The following CTCF variants were observed in gnomAD, a reference collection of about 807,000 sequenced individuals.
The protein encoded by CTCF is transcriptional repressor CTCF.
A neutral mutation model predicts 72.3 loss-of-function variants in CTCF; 7 were observed. The ratio of observed to expected loss-of-function variants is 0.10; its 90% CI spans 0.06 to 0.18. CTCF has a LOEUF of 0.18. Among genes scored for constraint, CTCF ranks in the 10% least tolerant of loss-of-function variants. The probability of loss-of-function intolerance (pLI) is 1.00; values close to 1 mark genes in which losing one functional copy is unlikely to be tolerated. For synonymous variants in CTCF, 374 were observed against 315.8 expected, an observed-to-expected ratio of 1.18 and a Z score of -1.95; for missense variants, 516 against 949.1, an observed-to-expected ratio of 0.54 and a Z score of 6.00.
chr16:67,589,447 A>G (rs1185751118), intron 2 of CTCF, among the ~76,000 whole-genome samples: 3 of 152,158 alleles, frequency 2.0e-5, no homozygotes, highest in Non-Finnish European at 4.4e-5. Flanking sequence ...GTAGTTTGTC[A>G]GGCAAGGTCC....
At chr16:67,588,790 G>A (rs919687284) in intron 2 of CTCF, among the ~76,000 whole-genome samples, 4 of 152,088 alleles carry the variant, frequency 2.6e-5, no homozygotes, top group African/African-American at 9.7e-5. Context: ...GGGTTCAAGC[G>A]ATTCTCATGC....
At chr16:67,565,320 T>C (rs1441631957) in intron 1 of CTCF, among the ~76,000 whole-genome samples, 1 of 151,826 alleles carries the variant, frequency 6.6e-6, no homozygotes, top group Non-Finnish European at 1.5e-5. Context: ...TTATTTAAAT[T>C]AGTGATAGGA....
chr16:67,587,283 C>T (rs1210260561), intron 2 of CTCF, among the ~76,000 whole-genome samples: 1 of 151,598 alleles, frequency 6.6e-6, no homozygotes, highest in African/African-American at 2.4e-5. Context: ...TGATTGTTGT[C>T]GAAGACATTA....
intron 10 of CTCF, among the ~76,000 whole-genome samples, chr16:67,632,381 T>C (rs951939964): frequency 6.6e-6 from 1 of 152,214 alleles, no homozygotes; most frequent in Non-Finnish European, 1.5e-5. Flanking sequence ...TCTACAGTTC[T>C]GTGTTCTGTC....
chr16:67,563,091 C>T (rs2051299215), intron 1 of CTCF, among the ~76,000 whole-genome samples: 2 of 152,010 alleles, frequency 1.3e-5, no homozygotes, highest in Non-Finnish European at 1.5e-5. Context: ...CGCCCTCTGT[C>T]CTGTGTCCTC....
intron 2 of CTCF, 86 bp from the exon 3 acceptor site, chr16:67,610,738 C>A: frequency 2.0e-6 from 2 of 991,498 alleles, no homozygotes; most frequent in Non-Finnish European, 2.8e-6. Flanking sequence ...AATTCATTCA[C>A]CAAAGGGTCT....
At chr16:67,595,333 C>T (rs567355936) in intron 2 of CTCF, among the ~76,000 whole-genome samples, 5 of 151,704 alleles carry the variant, frequency 3.3e-5, no homozygotes, top group African/African-American at 1.2e-4. Context: ...TGTTCTGTTT[C>T]TTTTTTACTC....
chr16:67,623,718 C>A (rs894462001), intron 7 of CTCF, among the ~76,000 whole-genome samples: 1 of 151,782 alleles, frequency 6.6e-6, no homozygotes, highest in African/African-American at 2.4e-5. Flanking sequence ...AGTTCTAGAC[C>A]AACCTGTGTG....
chr16:67,637,942 CCCTT>C lies in CTCF; in HGVS notation c.*72_*75del, dbSNP rs2052453749. ...AAACGGCCCGCATCTTAATTTTTCT[CCCTT>C]CTTTCTTTTTTTGGCTTTGGGAAAA... On this transcript the variant is annotated 3_prime_UTR_variant, in exon 12 of 12. Transcript: ENST00000264010. 2 of 1,329,124 alleles carry C rather than the reference CCCTT, an allele frequency of 1.5e-6. No homozygotes were observed. Among genetic ancestry groups the C allele is most frequent in the African/African-American group, 1.5e-5 (1 of 68,292 alleles). 82.3% of individuals were successfully genotyped at this position (1,329,124 alleles called of 1,614,324 possible).
intron 2 of CTCF, among the ~76,000 whole-genome samples, chr16:67,606,985 C>G (rs1329516320): frequency 6.6e-6 from 1 of 152,002 alleles, no homozygotes; most frequent in Non-Finnish European, 1.5e-5. Flanking sequence ...CAGAGGCTCG[C>G]TCTGTTGCCC....
intron 10 of CTCF, among the ~76,000 whole-genome samples, chr16:67,633,755 G>A (rs8052137): frequency 1.3e-5 from 2 of 149,802 alleles, no homozygotes; most frequent in Non-Finnish European, 3.0e-5. Flanking sequence ...CAAAAAAAAA[G>A]AAAAAGAATT....
In CTCF at chr16:67,578,532, C is replaced by T. The variant is rs565905138; in HGVS notation, c.-10+7268C>T. 4.0e-5 allele frequency among the ~76,000 whole-genome samples: 6 copies of T among 151,628 alleles called. No homozygotes were observed. In the South Asian group the frequency reaches 6.2e-4, roughly 16 times the overall value. ...AGTTTTAGTAGAGATGGGATTTCAC[C>T]GTGTTGGCCAGGCTGGTCTCGAACT... On this transcript the variant is annotated intron_variant, in intron 2 of 11. Coordinates refer to ENST00000264010, the MANE Select transcript of CTCF (RefSeq NM_006565.4).
At chr16:67,585,466 T>G (rs2051657297) in intron 2 of CTCF, among the ~76,000 whole-genome samples, 1 of 152,378 alleles carries the variant, frequency 6.6e-6, no homozygotes, top group African/African-American at 2.4e-5. Flanking sequence ...AAGATAATAT[T>G]AAAGTTCAGT....
At chr16:67,589,902 CATGGTG>C (rs1398895309) in intron 2 of CTCF, among the ~76,000 whole-genome samples, 1 of 152,082 alleles carries the variant, frequency 6.6e-6, no homozygotes, top group Non-Finnish European at 1.5e-5. Context: ...GCTTGGCCAA[CATGGTG>C]AAACCCTATC....
intron 1 of CTCF, among the ~76,000 whole-genome samples, chr16:67,564,350 T>C (rs2142696532): frequency 6.6e-6 from 1 of 152,370 alleles, no homozygotes; most frequent in East Asian, 1.9e-4. Context: ...AAGGAAGCTA[T>C]GTTAAGTTTA....
intron 9 of CTCF, among the ~76,000 whole-genome samples, chr16:67,628,828 A>G (rs2052324716): frequency 6.6e-6 from 1 of 152,208 alleles, no homozygotes; most frequent in Non-Finnish European, 1.5e-5. Context: ...TGGGAGGCCA[A>G]GGTGGGTGGA....
At chr16:67,605,104 C>T (rs1272954296) in intron 2 of CTCF, among the ~76,000 whole-genome samples, 2 of 150,646 alleles carry the variant, frequency 1.3e-5, no homozygotes, top group African/African-American at 4.9e-5. Context: ...TCCCGAGTAG[C>T]TGGGACTACA....
intron 2 of CTCF, among the ~76,000 whole-genome samples, chr16:67,608,773 G>T (rs1395549940): frequency 2.0e-5 from 3 of 149,068 alleles, no homozygotes; most frequent in Non-Finnish European, 4.4e-5. Flanking sequence ...TTTCGTTCTT[G>T]TTGCCCAGGC....
chr16:67,609,936 A>G (rs983792831), intron 2 of CTCF, among the ~76,000 whole-genome samples: 10 of 152,014 alleles, frequency 6.6e-5, no homozygotes, highest in African/African-American at 2.4e-4. Context: ...TGGCCTGATA[A>G]TTCTTTGTGG....
Sources: gnomAD v4.1 joint callset for allele counts (sites outside exome capture counted in the v4.1 genomes callset) on GRCh38, gnomAD v4.1.1 for gene constraint, MANE v1.5 for transcripts, NCBI Gene and HGNC (gene_info 2026-07-23, HGNC 2026-07-21) for gene names.